Variants in SH3BP5 observed in about 807,000 individuals in gnomAD.
SH3BP5 encodes the protein SH3 domain-binding protein 5.
SH3BP5 carries 22 observed loss-of-function variants against 43.3 expected under a neutral mutation model. That is an observed-to-expected ratio of 0.51 (90% CI 0.36 to 0.73). The LOEUF (loss-of-function observed/expected upper bound fraction) is 0.73. Among genes scored for constraint, SH3BP5 ranks in the 30% least tolerant of loss-of-function variants. The pLI is 0.00. For missense variants in SH3BP5, 529 were observed against 586.9 expected, an observed-to-expected ratio of 0.90 and a Z score of 1.02; for synonymous variants, 255 against 225.8, an observed-to-expected ratio of 1.13 and a Z score of -1.16.
intron 5 of SH3BP5, chr3:15,260,637 G>A (rs1034085238): frequency 5.3e-5 from 8 of 152,188 alleles, no homozygotes; most frequent in Non-Finnish European, 1.2e-4. Flanking sequence ...AAGCTCTCTC[G>A]TGTGACCAAA....
intron 6 of SH3BP5, 136 bp downstream of exon 6, chr3:15,259,625 C>G (rs765706712): frequency 3.6e-4 from 319 of 879,878 alleles, no homozygotes; most frequent in Admixed American, 5.6e-4. Context: ...ATTTTGAGGT[C>G]TGAAAACTCA....
chr3:15,274,843 C>T (rs1206337118), intron 3 of SH3BP5, among the ~76,000 whole-genome samples: 1 of 152,190 alleles, frequency 6.6e-6, no homozygotes, highest in Non-Finnish European at 1.5e-5. Flanking sequence ...TGTGAGCCGC[C>T]ACACCCAGTC....
At chr3:15,284,279 G>C (rs73025398) in intron 3 of SH3BP5, among the ~76,000 whole-genome samples, 22,650 of 152,076 alleles carry the variant, frequency 0.15, 2,249 homozygotes, top group East Asian at 0.27. Flanking sequence ...TCTCTACAGG[G>C]CATCCAAAGG....
intron 4 of SH3BP5, among the ~76,000 whole-genome samples, chr3:15,263,725 C>T (rs1696534975): frequency 1.3e-5 from 2 of 152,206 alleles, no homozygotes; most frequent in African/African-American, 4.8e-5. Context: ...TCCTTGCTTA[C>T]CTACAGAAAA....
chr3:15,318,342 C>T (rs539418311), intron 2 of SH3BP5, among the ~76,000 whole-genome samples: 2 of 152,218 alleles, frequency 1.3e-5, no homozygotes, highest in Admixed American at 6.5e-5. Context: ...CTTAACAGCC[C>T]TGGTAAGACA....
chr3:15,292,836 G>A (rs1030042125), intron 3 of SH3BP5, among the ~76,000 whole-genome samples: 4 of 152,076 alleles, frequency 2.6e-5, no homozygotes, highest in African/African-American at 2.4e-5. Flanking sequence ...CAACAAAAGC[G>A]AAATTCCATC....
intron 2 of SH3BP5, among the ~76,000 whole-genome samples, chr3:15,309,912 C>A (rs554905427): frequency 2.8e-5 from 4 of 144,616 alleles, no homozygotes; most frequent in Admixed American, 6.7e-5. Context: ...CTCCACCCCC[C>A]CCCCATAAGA....
chr3:15,313,362 A>C (rs1040713920), intron 2 of SH3BP5, among the ~76,000 whole-genome samples: 1 of 152,230 alleles, frequency 6.6e-6, no homozygotes, highest in Non-Finnish European at 1.5e-5. Context: ...CAGCAGCAGA[A>C]TAACTGGAGT....
intron 1 of SH3BP5, among the ~76,000 whole-genome samples, chr3:15,341,050 C>G (rs1386745021): frequency 6.6e-6 from 1 of 151,950 alleles, no homozygotes; most frequent in Non-Finnish European, 1.5e-5. Context: ...GAAAGTCCGC[C>G]TCAAAAAATA....
At chr3:15,323,575 C>T (rs888887489) in intron 2 of SH3BP5, among the ~76,000 whole-genome samples, 6 of 152,112 alleles carry the variant, frequency 3.9e-5, no homozygotes, top group East Asian at 1.9e-4. Flanking sequence ...GAATTGCAGC[C>T]CCCAGATTCA....
At chr3:15,323,677 CT>C (rs138294893) in intron 2 of SH3BP5, among the ~76,000 whole-genome samples, 2,081 of 152,322 alleles carry the variant, frequency 0.014, 53 homozygotes, top group African/African-American at 0.046. Flanking sequence ...GTCAAGACAG[CT>C]GTCTTCCCTC....
At chr3:15,278,328 G>A (rs1461757832) in intron 3 of SH3BP5, among the ~76,000 whole-genome samples, 1 of 152,242 alleles carries the variant, frequency 6.6e-6, no homozygotes, top group Non-Finnish European at 1.5e-5. Flanking sequence ...GTCTCAGTGA[G>A]GGAGGGATGG....
intron 4 of SH3BP5, chr3:15,264,307 T>A (rs1024723936): frequency 2.6e-5 from 4 of 151,236 alleles, no homozygotes; most frequent in African/African-American, 9.8e-5. Flanking sequence ...GAAATGAAGA[T>A]GAACTGTGTC....
chr3:15,306,817 C>T (rs1168776900), intron 2 of SH3BP5, among the ~76,000 whole-genome samples: 1 of 152,058 alleles, frequency 6.6e-6, no homozygotes, highest in Non-Finnish European at 1.5e-5. Flanking sequence ...TACAGGTGTG[C>T]ACCACCACGC....
At position 15,257,070 on chromosome 3, in the gene SH3BP5, C is replaced by G. The variant is rs754771928; in HGVS notation, c.933G>C (p.Val311=). ...AFEDDSCSNF[V]SEDDSETQSV... is the part of the protein sequence containing the mutation. ...ACTGGGTTTCCGAGTCATCTTCAGACACAAAGTTGCTACAGCTGTCATCTT... is the reference window on the plus strand; with the variant it reads ...ACTGGGTTTCCGAGTCATCTTCAGAGACAAAGTTGCTACAGCTGTCATCTT... The change falls in exon 8 of 9, where the codon GTG becomes GTC. Residue 311 remains valine (V), a synonymous_variant. Transcript: ENST00000383791. 1 of 1,614,218 alleles carries G rather than the reference C, an allele frequency of 6.2e-7. No homozygotes were observed. Among genetic ancestry groups the G allele is most frequent in the Non-Finnish European group, 8.5e-7 (1 of 1,180,040 alleles).
chr3:15,336,828 C>T (rs1698705549), upstream of SH3BP5, among the ~76,000 whole-genome samples: 1 of 152,116 alleles, frequency 6.6e-6, no homozygotes, highest in Admixed American at 6.5e-5. Flanking sequence ...TACAGTCCCT[C>T]ACCCTCTTAT....
chr3:15,322,618 G>C (rs1698358211), intron 2 of SH3BP5, among the ~76,000 whole-genome samples: 1 of 152,040 alleles, frequency 6.6e-6, no homozygotes, highest in African/African-American at 2.4e-5. Context: ...CAGGAGGACT[G>C]CTTGAGCCCA....
At chr3:15,273,225 T>A in intron 3 of SH3BP5, 1 of 985,360 alleles carries the variant, frequency 1.0e-6, no homozygotes, top group Non-Finnish European at 1.2e-6. Flanking sequence ...TCAGCAACAT[T>A]TAAGGGTAAA....
At chr3:15,300,976 T>G (rs1190928273) in intron 3 of SH3BP5, among the ~76,000 whole-genome samples, 3 of 152,094 alleles carry the variant, frequency 2.0e-5, no homozygotes, top group Non-Finnish European at 4.4e-5. Flanking sequence ...ATTGCCCTAT[T>G]GTCCTCACTA....
Sources: allele counts gnomAD v4.1 joint callset (sites outside exome capture counted in the v4.1 genomes callset), GRCh38; gene constraint gnomAD v4.1.1; transcripts MANE v1.5; gene names NCBI Gene and HGNC (gene_info 2026-07-23, HGNC 2026-07-21).